AKAP6: variants seen among roughly 807,000 people sequenced by gnomAD.
AKAP6 encodes A-kinase anchor protein 6.
In AKAP6, 58 loss-of-function variants were observed where a neutral mutation model predicts 188.5. That is an observed-to-expected ratio of 0.31 (90% confidence interval 0.25 to 0.38). The LOEUF (loss-of-function observed/expected upper bound fraction) is 0.38. Ranked by LOEUF, AKAP6 falls within the 10% of genes least tolerant of loss-of-function variation. The pLI, the probability that AKAP6 is intolerant of heterozygous loss-of-function variation, is 1.00. For missense variants in AKAP6, 2,710 were observed against 2,740.0 expected (o/e 0.99, Z 0.24); for synonymous variants, 989 against 998.6 (o/e 0.99, Z 0.18).
chr14:32,791,071 A>G (rs2033594175), intron 12 of AKAP6, among the ~76,000 whole-genome samples: 1 of 152,210 alleles, frequency 6.6e-6, no homozygotes, highest in African/African-American at 2.4e-5. Context: ...TAGTGCTGCA[A>G]TAAACATATG....
In AKAP6 at chr14:32,544,444, C is replaced by T. The variant is rs181620783; in HGVS notation, c.577-786C>T. ...ATTTAACAAATTAAAAATAGTTAAT[C>T]GTAATGCTGTTTTTTTAGTGTGAGG... is the stretch of plus-strand genomic sequence containing the variant. On this transcript the variant is annotated intron_variant, in intron 3 of 13. Coordinates refer to ENST00000280979, the MANE Select transcript of AKAP6 (RefSeq NM_004274.5). Among the ~76,000 whole-genome samples the T allele has an allele frequency of 3.4e-3, 511 of 152,202 alleles. 1 individual carries two copies. The highest frequency in any genetic ancestry group is 0.012 in the African/African-American group (486 of 41,524).
At chr14:32,610,568 G>A (rs1326851904) in intron 7 of AKAP6, among the ~76,000 whole-genome samples, 2 of 152,182 alleles carry the variant, frequency 1.3e-5, no homozygotes, top group Non-Finnish European at 1.5e-5. Flanking sequence ...CAGACTGTGC[G>A]ATGAATACAA....
At chr14:32,768,848 A>T (rs1253300627) in intron 11 of AKAP6, among the ~76,000 whole-genome samples, 1 of 152,018 alleles carries the variant, frequency 6.6e-6, no homozygotes, top group African/African-American at 2.4e-5. Flanking sequence ...CAGAAGACGT[A>T]TAGTAGCATC....
intron 1 of AKAP6, among the ~76,000 whole-genome samples, chr14:32,365,740 C>T (rs1255969824): frequency 1.3e-5 from 2 of 152,150 alleles, no homozygotes; most frequent in Non-Finnish European, 2.9e-5. Context: ...CAAACCCCTC[C>T]CCATTATCTC....
At chr14:32,735,312 T>A (rs964459991) in intron 10 of AKAP6, among the ~76,000 whole-genome samples, 1 of 152,166 alleles carries the variant, frequency 6.6e-6, no homozygotes. Flanking sequence ...TGAATTTTTC[T>A]CTGTGACCAA....
chr14:32,435,639 A>C lies in AKAP6; in HGVS notation c.324+1822A>C, dbSNP rs145099074. 1.6e-4 allele frequency among the ~76,000 whole-genome samples: 25 copies of C among 152,320 alleles called. No homozygotes were observed. In the East Asian group the frequency reaches 4.8e-3, roughly 29 times the overall value. ...GAGAAAGGAGCCCCAGGAGGGCATG[A>C]AGTCAACACAGTAATTACATAGTAG... On this transcript the variant is annotated intron_variant, in intron 2 of 13. Transcript: ENST00000280979.
intron 1 of AKAP6, among the ~76,000 whole-genome samples, chr14:32,331,491 T>G (rs944202711): frequency 3.5e-4 from 53 of 152,164 alleles, no homozygotes; most frequent in African/African-American, 1.2e-3. Flanking sequence ...CAATTACAGT[T>G]CTCCAACTTT....
At chr14:32,683,519 A>G (rs1239835698) in intron 8 of AKAP6, among the ~76,000 whole-genome samples, 1 of 152,232 alleles carries the variant, frequency 6.6e-6, no homozygotes, top group Non-Finnish European at 1.5e-5. Context: ...CTTGGATTCA[A>G]ATGACTTTGG....
chr14:32,632,738 A>G (rs887099217), intron 7 of AKAP6, among the ~76,000 whole-genome samples: 2 of 152,068 alleles, frequency 1.3e-5, no homozygotes, highest in Admixed American at 6.6e-5. Flanking sequence ...AGGAAAAACC[A>G]ATCAGAGAGC....
chr14:32,646,545 A>G lies in AKAP6; in HGVS notation c.2731-31766A>G, dbSNP rs78233589. Among the ~76,000 whole-genome samples the G allele has an allele frequency of 4.1e-3, 628 of 152,318 alleles. 3 individuals carry two copies. Among genetic ancestry groups the G allele is most frequent in the African/African-American group, 0.013 (549 of 41,584 alleles). Reference sequence around the variant, plus strand: ...AGGCTGCCATTATTCCTGAAATTCTAATGGCTGAACTAGCAACAGTAAAGA... The same window carrying G: ...AGGCTGCCATTATTCCTGAAATTCTGATGGCTGAACTAGCAACAGTAAAGA... On this transcript the variant is annotated intron_variant, in intron 7 of 13. Coordinates refer to ENST00000280979, the MANE Select transcript of AKAP6 (RefSeq NM_004274.5).
intron 8 of AKAP6, among the ~76,000 whole-genome samples, chr14:32,681,482 C>T (rs1470349176): frequency 6.6e-6 from 1 of 152,090 alleles, no homozygotes; most frequent in Non-Finnish European, 1.5e-5. Context: ...TTTATCTGGA[C>T]TCTTAATAAG....
At chr14:32,726,091 G>A (rs550131051) in intron 9 of AKAP6, 65 of 739,898 alleles carry the variant, frequency 8.8e-5, no homozygotes, top group Non-Finnish European at 9.7e-5. Flanking sequence ...AATTTCCAAC[G>A]ACCAGATTAA....
chr14:32,481,369 A>G (rs1028943346), intron 2 of AKAP6, among the ~76,000 whole-genome samples: 3 of 152,168 alleles, frequency 2.0e-5, no homozygotes, highest in African/African-American at 7.2e-5. Context: ...TCATTCCTGT[A>G]TTCCTGTATT....
chr14:32,552,535 G>A (rs1358895209), intron 4 of AKAP6, among the ~76,000 whole-genome samples: 1 of 152,048 alleles, frequency 6.6e-6, no homozygotes, highest in Non-Finnish European at 1.5e-5. Context: ...AAGACTAAGG[G>A]GAAAAAACCC....
At chr14:32,691,471 T>C (rs1890175662) in intron 8 of AKAP6, among the ~76,000 whole-genome samples, 1 of 152,174 alleles carries the variant, frequency 6.6e-6, no homozygotes, top group Non-Finnish European at 1.5e-5. Context: ...ACTTAAGAAG[T>C]TTCCTATAAT....
At chr14:32,688,725 G>A (rs1450226730) in intron 8 of AKAP6, among the ~76,000 whole-genome samples, 1 of 152,146 alleles carries the variant, frequency 6.6e-6, no homozygotes, top group Non-Finnish European at 1.5e-5. Flanking sequence ...CAGTTTTTTG[G>A]TGTAGGCTGC....
At chr14:32,798,633 A>G (rs964070690) in intron 12 of AKAP6, among the ~76,000 whole-genome samples, 2 of 152,344 alleles carry the variant, frequency 1.3e-5, no homozygotes, top group Non-Finnish European at 2.9e-5. Flanking sequence ...AGAAAACCAC[A>G]TACCACAATG....
chr14:32,348,601 C>T (rs553805342), intron 1 of AKAP6, among the ~76,000 whole-genome samples: 54 of 151,894 alleles, frequency 3.6e-4, no homozygotes, highest in Non-Finnish European at 5.9e-4. Context: ...TTAGTAGAGA[C>T]GGAGTTTCAC....
intron 2 of AKAP6, among the ~76,000 whole-genome samples, chr14:32,490,464 T>A (rs1245635615): frequency 6.6e-6 from 1 of 152,228 alleles, no homozygotes; most frequent in Non-Finnish European, 1.5e-5. Flanking sequence ...AACGTGGATA[T>A]ATAACTTTTA....
Sources: allele counts gnomAD v4.1 joint callset (sites outside exome capture counted in the v4.1 genomes callset), GRCh38; gene constraint gnomAD v4.1.1; transcripts MANE v1.5; gene names NCBI Gene and HGNC (gene_info 2026-07-23, HGNC 2026-07-21).